Variants in PIK3C2G observed in about 807,000 individuals in gnomAD.
PIK3C2G encodes the protein phosphatidylinositol 3-kinase C2 domain-containing subunit gamma.
A neutral mutation model predicts 181.1 loss-of-function variants in PIK3C2G; 168 were observed. The observed-to-expected ratio is 0.93, with a 90% confidence interval of 0.82 to 1.05. The LOEUF (loss-of-function observed/expected upper bound fraction) is 1.05, where lower values mean the gene tolerates loss of function less well. Ranked by LOEUF, PIK3C2G falls within the 50% of genes least tolerant of loss-of-function variation. PIK3C2G has a pLI of 0.00. For missense variants in PIK3C2G, 1,869 were observed against 1,732.8 expected (o/e 1.08, Z -1.40); for synonymous variants, 573 against 592.2 (o/e 0.97, Z 0.47).
chr12:18,369,156 G>A (rs959829794), intron 12 of PIK3C2G, among the ~76,000 whole-genome samples: 16 of 152,096 alleles, frequency 1.1e-4, no homozygotes, highest in Admixed American at 7.2e-4. Flanking sequence ...TGGCCATCAG[G>A]TATCATCCCA....
intron 6 of PIK3C2G, 136 bp downstream of exon 6, chr12:18,314,200 C>T (rs547717966): frequency 1.7e-6 from 1 of 582,276 alleles, no homozygotes; most frequent in Non-Finnish European, 3.0e-6. Flanking sequence ...TTCATTGAAA[C>T]ATGATGAAAT....
intron 31 of PIK3C2G, among the ~76,000 whole-genome samples, chr12:18,633,659 G>T (rs1398110906): frequency 6.6e-6 from 1 of 152,126 alleles, no homozygotes; most frequent in African/African-American, 2.4e-5. Flanking sequence ...GTTCCATTGT[G>T]CAGTAGTCGT....
At chr12:18,316,749 T>C (rs892381330) in intron 6 of PIK3C2G, among the ~76,000 whole-genome samples, 1 of 151,976 alleles carries the variant, frequency 6.6e-6, no homozygotes, top group South Asian at 2.1e-4. Flanking sequence ...ATAATAATAA[T>C]AAAATAATGG....
chr12:18,300,697 T>A (rs973212085), intron 5 of PIK3C2G, among the ~76,000 whole-genome samples: 18 of 152,114 alleles, frequency 1.2e-4, no homozygotes, highest in Non-Finnish European at 2.5e-4. Context: ...TTCCTTTCTT[T>A]CTCTCTCATT....
chr12:18,273,510 A>G (rs953650880), intron 1 of PIK3C2G, among the ~76,000 whole-genome samples: 1 of 152,170 alleles, frequency 6.6e-6, no homozygotes, highest in Non-Finnish European at 1.5e-5. Context: ...TTCTGTGAAG[A>G]AAGTCATTGG....
At chr12:18,603,402 G>A (rs935036956) in intron 30 of PIK3C2G, among the ~76,000 whole-genome samples, 11 of 151,992 alleles carry the variant, frequency 7.2e-5, no homozygotes, top group South Asian at 2.1e-4. Context: ...AAGAATAATC[G>A]GTGTTTCTTA....
chr12:18,705,772 A>C, the PIK3C2G span, among the ~76,000 whole-genome samples: 2 of 152,062 alleles, frequency 1.3e-5, no homozygotes, highest in African/African-American at 4.8e-5. Context: ...ACACTAAGGC[A>C]GGAGAATCAC....
chr12:18,620,562 A>ATAGG (rs1232364920), intron 31 of PIK3C2G, among the ~76,000 whole-genome samples: 1 of 149,364 alleles, frequency 6.7e-6, no homozygotes, highest in Non-Finnish European at 1.5e-5. Flanking sequence ...AGATAGATAG[A>ATAGG]TAGATAGGTA....
intron 1 of PIK3C2G, among the ~76,000 whole-genome samples, chr12:18,277,944 CA>C (rs1398171479): frequency 6.6e-6 from 1 of 152,120 alleles, no homozygotes; most frequent in Non-Finnish European, 1.5e-5. Context: ...AAGGAGTTGT[CA>C]TTAATAATAC....
intron 16 of PIK3C2G, among the ~76,000 whole-genome samples, chr12:18,404,096 C>T (rs929337935): frequency 6.6e-6 from 1 of 151,014 alleles, no homozygotes; most frequent in Non-Finnish European, 1.5e-5. Flanking sequence ...TTTAACAGAA[C>T]AGTGCCTTAG....
intron 1 of PIK3C2G, among the ~76,000 whole-genome samples, chr12:18,254,813 T>C (rs1437017390): frequency 1.3e-5 from 2 of 151,900 alleles, no homozygotes; most frequent in Admixed American, 1.3e-4. Context: ...GATTGCACCA[T>C]TGAACTCCAG....
chr12:18,490,485 T>G (rs1482338560), intron 19 of PIK3C2G, among the ~76,000 whole-genome samples: 1 of 152,130 alleles, frequency 6.6e-6, no homozygotes, highest in Non-Finnish European at 1.5e-5. Context: ...ACTCTAACAC[T>G]TTTTTTGTAT....
intron 6 of PIK3C2G, among the ~76,000 whole-genome samples, chr12:18,318,303 TTTTC>T (rs1433372380): frequency 1.3e-5 from 2 of 152,148 alleles, no homozygotes; most frequent in Non-Finnish European, 2.9e-5. Context: ...CTTTATAAAA[TTTTC>T]TTTCTAAGAT....
At chr12:18,618,219 A>C (rs1177082886) in intron 31 of PIK3C2G, among the ~76,000 whole-genome samples, 2 of 152,088 alleles carry the variant, frequency 1.3e-5, no homozygotes, top group Non-Finnish European at 2.9e-5. Flanking sequence ...CTCCAACAGA[A>C]ACTTTGTGTT....
chr12:18,353,850 T>A (rs1311396365), intron 11 of PIK3C2G, among the ~76,000 whole-genome samples: 1 of 152,188 alleles, frequency 6.6e-6, no homozygotes, highest in Non-Finnish European at 1.5e-5. Flanking sequence ...AAATCCCTGG[T>A]CTTTCATGAA....
chr12:18,500,790 C>G (rs1349904413), intron 22 of PIK3C2G, among the ~76,000 whole-genome samples: 1 of 152,176 alleles, frequency 6.6e-6, no homozygotes, highest in Non-Finnish European at 1.5e-5. Context: ...CCCTTCCACA[C>G]TGTGGAAGCT....
At chr12:18,659,293 G>A in the PIK3C2G span, among the ~76,000 whole-genome samples, 5 of 152,158 alleles carry the variant, frequency 3.3e-5, no homozygotes, top group South Asian at 4.2e-4. Context: ...CACTAGTCCC[G>A]TACAATAGAT....
In PIK3C2G at chr12:18,538,327, A is replaced by G. The variant is rs551272659; in HGVS notation, c.3480+15A>G. The G allele has an allele frequency of 1.5e-4, 227 of 1,563,986 alleles. 2 individuals are homozygous for G. In the South Asian group the frequency reaches 1.6e-3, roughly 11 times the overall value. ...TGCTGGAAATGGTAAGTCCCTTGGG[A>G]AAAAAAAACAAAAATAATAAGCTTC... On this transcript the variant is annotated intron_variant, in intron 25 of 32. Coordinates refer to ENST00000538779, the MANE Select transcript of PIK3C2G (RefSeq NM_001288772.2).
chr12:18,435,335 A>G (rs1946390560), intron 18 of PIK3C2G, among the ~76,000 whole-genome samples: 1 of 152,072 alleles, frequency 6.6e-6, no homozygotes, highest in Non-Finnish European at 1.5e-5. Flanking sequence ...TACTTGGACT[A>G]TCACTACCGC....
Sources: gnomAD v4.1 joint callset for allele counts (sites outside exome capture counted in the v4.1 genomes callset) on GRCh38, gnomAD v4.1.1 for gene constraint, MANE v1.5 for transcripts, NCBI Gene and HGNC (gene_info 2026-07-23, HGNC 2026-07-21) for gene names.